Variants in PRPF19 observed in about 807,000 individuals in gnomAD.
PRPF19 encodes the protein pre-mRNA-processing factor 19.
Under a neutral mutation model 64.2 loss-of-function variants are expected in PRPF19, and 2 were observed. The ratio of observed to expected loss-of-function variants is 0.03; its 90% confidence interval spans 0.01 to 0.10. The LOEUF (loss-of-function observed/expected upper bound fraction) is 0.10. Among genes scored for constraint, PRPF19 ranks in the 10% least tolerant of loss-of-function variants. The pLI is 1.00. For missense variants in PRPF19, 314 were observed against 650.0 expected (o/e 0.48, Z 5.62); for synonymous variants, 226 against 251.6 (o/e 0.90, Z 0.96).
chr11:60,901,689 C>T, intron 6 of PRPF19, 149 bp from the exon 7 acceptor site: 2 of 878,150 alleles, frequency 2.3e-6, no homozygotes, highest in Non-Finnish European at 3.5e-6. Flanking sequence ...ATTCTCTCTT[C>T]TTACTTCCAT....
Position 60,902,468 on chromosome 11 carries a change from G to A in PRPF19, c.463-3C>T, listed in dbSNP as rs1855994014. ...AAATCCATTGGCTCACCCGCACCCTGAAGAGAAGAAAGGTGAGGGTGAGAG... is the reference window on the plus strand; with the variant it reads ...AAATCCATTGGCTCACCCGCACCCTAAAGAGAAGAAAGGTGAGGGTGAGAG... On this transcript the variant is annotated splice_polypyrimidine_tract_variant and splice_region_variant and intron_variant, in intron 5 of 15. Transcript: ENST00000227524. The surrounding 1 kb of genome is among the most constrained non-coding windows in gnomAD (Gnocchi z 5.0). 2 of 1,613,942 alleles carry A rather than the reference G, an allele frequency of 1.2e-6. No individual in the cohort carries two copies. The highest frequency in any genetic ancestry group is 1.3e-5 in the African/African-American group (1 of 74,900).
Position 60,902,915 on chromosome 11 carries a change from G to C in PRPF19, c.247-34C>G. On this transcript the variant is annotated intron_variant, in intron 3 of 15. Transcript: ENST00000227524. This position sits in a 1 kb window ranked among gnomAD's most constrained non-coding sequence, Gnocchi z 5.0. ...AGCAAATATCATTGTAAGGTGAGGTGGGGGGTGCAGGGAGTACCCAGTGGA... is the reference window on the plus strand; with the variant it reads ...AGCAAATATCATTGTAAGGTGAGGTCGGGGGTGCAGGGAGTACCCAGTGGA... The C allele has an allele frequency of 6.2e-7, 1 of 1,604,508 alleles. No individual in the cohort carries two copies. Among genetic ancestry groups the C allele is most frequent in the Non-Finnish European group, 8.5e-7 (1 of 1,178,238 alleles).
In PRPF19 at chr11:60,902,423, T is replaced by C; in HGVS notation, c.505A>G (p.Thr169Ala). Residue 169 changes from threonine (T) to alanine (A), a missense_variant, in exon 6 of 16, where the codon ACC becomes GCC. Thr to Ala is a moderately conservative substitution (Grantham distance 58). Transcript: ENST00000227524. The surrounding 1 kb of genome is among the most constrained non-coding windows in gnomAD (Gnocchi z 5.0). ...CTTACCTTCTGAATAATCTCTGGGG[T>C]CATTCCCACCAGCTCACCCAAATCC... ...PMDLGELVGM[T>A]PEIIQKLQDK... is the part of the protein sequence containing the mutation. 6.2e-7 allele frequency: 1 copy of C among 1,613,978 alleles called. No individual in the cohort carries two copies. The highest frequency in any genetic ancestry group is 8.5e-7 in the Non-Finnish European group (1 of 1,179,980).
intron 3 of PRPF19, 75 bp downstream of exon 3, chr11:60,903,384 C>T (rs1856007033): frequency 7.0e-7 from 1 of 1,433,920 alleles, no homozygotes. Context: ...CTCCATCCTT[C>T]CTACCCCCAA....
chr11:60,896,373 A>G (rs113434147), intron 15 of PRPF19, among the ~76,000 whole-genome samples: 1,625 of 152,306 alleles, frequency 0.011, 30 homozygotes, highest in African/African-American at 0.037. Context: ...GGTAGAAGAC[A>G]GTGATGTTGG....
At chr11:60,901,081 T>C in intron 8 of PRPF19, 152 bp from the exon 9 acceptor site, 1 of 1,034,432 alleles carries the variant, frequency 9.7e-7, no homozygotes, top group Non-Finnish European at 1.4e-6. Context: ...GCTATCTGCC[T>C]GGTACGGTAA....
chr11:60,891,455 T>TCACTGGTGGGATGAATGAA (rs1855857529), intron 15 of PRPF19, among the ~76,000 whole-genome samples, 192 bp from the exon 16 acceptor site: 2 of 152,212 alleles, frequency 1.3e-5, no homozygotes, highest in Non-Finnish European at 2.9e-5. Context: ...CTGGCATTTT[T>TCACTGGTGGGATGAATGAA]CACTGGTGGG....
In PRPF19 at chr11:60,895,620, T is replaced by C. The variant is rs903425696; in HGVS notation, c.1417+2226A>G. Among the ~76,000 whole-genome samples the C allele has an allele frequency of 6.6e-5, 10 of 152,254 alleles. No homozygotes were observed. In the East Asian group the frequency reaches 1.5e-3, roughly 23 times the overall value. ...CTTCAAGAATTTTCCTTTGCTTTCA[T>C]AACTTGACTAATATTTGGTGTTGAG... On this transcript the variant is annotated intron_variant, in intron 15 of 15. Coordinates refer to ENST00000227524, the MANE Select transcript of PRPF19 (RefSeq NM_014502.5).
At chr11:60,901,851 C>T (rs150161818) in intron 6 of PRPF19, among the ~76,000 whole-genome samples, 40 of 152,256 alleles carry the variant, frequency 2.6e-4, no homozygotes, top group African/African-American at 8.9e-4. Flanking sequence ...TAGGTCTACA[C>T]GCCACTAAGC....
At chr11:60,906,227 C>G in intron 1 of PRPF19, 137 bp downstream of exon 1, 1 of 1,353,354 alleles carries the variant, frequency 7.4e-7, no homozygotes, top group South Asian at 1.6e-5. Context: ...GGCTCCGGTG[C>G]TGACAGGCCG....
intron 3 of PRPF19, 24 bp downstream of exon 3, chr11:60,903,435 G>A (rs1167327208): frequency 6.3e-7 from 1 of 1,598,742 alleles, no homozygotes; most frequent in Admixed American, 1.7e-5. Context: ...TGGGGAAGAT[G>A]CTGATTCTCT....
intron 15 of PRPF19, among the ~76,000 whole-genome samples, chr11:60,897,056 G>A (rs749519801): frequency 8.5e-5 from 13 of 152,144 alleles, no homozygotes; most frequent in Non-Finnish European, 1.5e-4. Flanking sequence ...CTACAGCAGC[G>A]TACAGTAATG....
chr11:60,897,538 G>T, intron 15 of PRPF19: 1 of 253,590 alleles, frequency 3.9e-6, no homozygotes, highest in Non-Finnish European at 7.6e-6. Flanking sequence ...AATTAAAATG[G>T]CTCTCCTCCT....
rs141563846 is a variant in PRPF19 at position 60,891,938 on chromosome 11, G to T, written c.1418-675C>A. Among the ~76,000 whole-genome samples, 21 of 152,278 alleles carry T rather than the reference G, an allele frequency of 1.4e-4. No homozygotes were observed. In the East Asian group the frequency reaches 2.3e-3, roughly 17 times the overall value. On this transcript the variant is annotated intron_variant, in intron 15 of 15. Coordinates refer to ENST00000227524, the MANE Select transcript of PRPF19 (RefSeq NM_014502.5). ...CACTGAGCAGGGCTCAGGAGAATAC[G>T]GGGCAAGAAGAAATATCTTGTATCC... is the stretch of plus-strand genomic sequence containing the variant.
intron 8 of PRPF19, 80 bp from the exon 9 acceptor site, chr11:60,901,009 C>G (rs1855978225): frequency 6.8e-7 from 1 of 1,466,670 alleles, no homozygotes; most frequent in African/African-American, 1.4e-5. Flanking sequence ...CTACTGCCAT[C>G]TCCAGTCACC....
chr11:60,893,847 A>C (rs1335484725), intron 15 of PRPF19, among the ~76,000 whole-genome samples: 2 of 152,126 alleles, frequency 1.3e-5, no homozygotes, highest in African/African-American at 4.8e-5. Context: ...AGAACCTGGG[A>C]GGTGGAGGTT....
At position 60,901,543 on chromosome 11, in the gene PRPF19, G is replaced by A. The variant is rs747002692; in HGVS notation, c.526-3C>T. 1 of 1,614,104 alleles carries A rather than the reference G, an allele frequency of 6.2e-7. No homozygotes were observed. Among genetic ancestry groups the A allele is most frequent in the South Asian group, 1.1e-5 (1 of 91,064 alleles). On this transcript the variant is annotated splice_region_variant and splice_polypyrimidine_tract_variant and intron_variant, in intron 6 of 15. Coordinates refer to ENST00000227524, the MANE Select transcript of PRPF19 (RefSeq NM_014502.5). ...AGCACAGTGGCTTTGTCTTGAAGCT[G>A]GGGAAGAACAGGCTCAATGTGAGAC... is the stretch of plus-strand genomic sequence containing the variant.
In PRPF19 at chr11:60,906,565, C is replaced by CTTCA; in HGVS notation, c.-187_-184dup. On this transcript the variant is annotated 5_prime_UTR_variant, in exon 1 of 16. The change creates a new upstream start codon in the 5' untranslated region. Coordinates refer to ENST00000227524, the MANE Select transcript of PRPF19 (RefSeq NM_014502.5). ...AATGGGGACAGCCGCGCGCCACAGC[C>CTTCA]TTCAGCACCTAACGGAAATTGCCCT... 1 of 574,480 alleles carries CTTCA rather than the reference C, an allele frequency of 1.7e-6. No homozygotes were observed. Among genetic ancestry groups the CTTCA allele is most frequent in the Non-Finnish European group, 3.0e-6 (1 of 336,174 alleles). The allele number at this position is 574,480 out of a possible 1,614,324, so 35.6% of individuals were successfully genotyped here. A position where few individuals can be genotyped will look rare whatever the true frequency, so the allele number is the denominator to read the frequency against.
chr11:60,899,317 CAA>C lies in PRPF19; in HGVS notation c.829-15_829-14del. The C allele has an allele frequency of 6.2e-7, 1 of 1,605,184 alleles. No homozygotes were observed. Among genetic ancestry groups the C allele is most frequent in the East Asian group, 2.2e-5 (1 of 44,844 alleles). Reference sequence around the variant, plus strand: ...AAAACACCAGGTCCTACAAGGAAAACAAAGACAGAATATCAGAGTCAGAAAAG... The same window carrying C: ...AAAACACCAGGTCCTACAAGGAAAACAGACAGAATATCAGAGTCAGAAAAG... On this transcript the variant is annotated splice_polypyrimidine_tract_variant and intron_variant, in intron 10 of 15. Coordinates refer to ENST00000227524, the MANE Select transcript of PRPF19 (RefSeq NM_014502.5).
Sources: allele counts gnomAD v4.1 joint callset (sites outside exome capture counted in the v4.1 genomes callset), GRCh38; gene constraint gnomAD v4.1.1; non-coding constraint Gnocchi (gnomAD v3.1); transcripts MANE v1.5; gene names NCBI Gene and HGNC (gene_info 2026-07-23, HGNC 2026-07-21).